The following CLDND1 variants were observed in gnomAD, a reference collection of about 807,000 sequenced individuals.
CLDND1 encodes claudin domain containing 1.
Under a neutral mutation model 26.3 loss-of-function variants are expected in CLDND1, and 13 were observed. That is an observed-to-expected ratio of 0.49 (90% CI 0.32 to 0.78). The LOEUF (loss-of-function observed/expected upper bound fraction) is 0.78. Among genes scored for constraint, CLDND1 ranks in the 30% least tolerant of loss-of-function variants. The pLI, the probability that CLDND1 is intolerant of heterozygous loss-of-function variation, is 0.03. For synonymous variants in CLDND1, 107 were observed against 107.0 expected (o/e 1.00, Z 0.00); for missense variants, 289 against 312.8 (o/e 0.92, Z 0.57).
intron 3 of CLDND1, among the ~76,000 whole-genome samples, chr3:98,517,515 C>T (rs768287441): frequency 5.9e-5 from 9 of 151,892 alleles, no homozygotes; most frequent in Middle Eastern, 3.4e-3. Context: ...GTTTCACATC[C>T]GCAGATTCAA....
At chr3:98,520,592 T>C (rs1439118415) in intron 2 of CLDND1, 2 of 151,900 alleles carry the variant, frequency 1.3e-5, no homozygotes, top group African/African-American at 2.4e-5. Context: ...ACTTCTGTAA[T>C]ACAAATTTCT....
In CLDND1 at chr3:98,516,364, C is replaced by T. The variant is rs1210162379; in HGVS notation, c.*295G>A. ...AACAGACATTAGCACAACTTGTTTT[C>T]GGTCACATTCCTACTCCCAATTTTC... On this transcript the variant is annotated 3_prime_UTR_variant, in exon 5 of 5. Transcript: ENST00000341181. The T allele has an allele frequency of 2.9e-5, 33 of 1,130,316 alleles. No homozygotes were observed. The highest frequency in any genetic ancestry group is 3.4e-5 in the Non-Finnish European group (31 of 922,172). 70.0% of individuals were successfully genotyped at this position (1,130,316 alleles called of 1,614,324 possible).
chr3:98,516,014 T>G lies in CLDND1; in HGVS notation c.*645A>C. 1 of 1,162,688 alleles carries G rather than the reference T, an allele frequency of 8.6e-7. No individual in the cohort carries two copies. The highest frequency in any genetic ancestry group is 1.1e-6 in the Non-Finnish European group (1 of 929,142). The allele number at this position is 1,162,688 out of a possible 1,614,324, so 72.0% of individuals were successfully genotyped here. A position where few individuals can be genotyped will look rare whatever the true frequency, so the allele number is the denominator to read the frequency against. On this transcript the variant is annotated 3_prime_UTR_variant, in exon 5 of 5. Transcript: ENST00000341181. ...AATACTAATCCTCGCCCGGCTGAAC[T>G]GGAATTCTTGCAGTTACAAAGTTAA... is the stretch of plus-strand genomic sequence containing the variant.
At chr3:98,518,601 T>C (rs1706260956) in intron 3 of CLDND1, 1 of 347,416 alleles carries the variant, frequency 2.9e-6, no homozygotes. Flanking sequence ...CTCAACTAAA[T>C]TTCCTTTTAC....
Position 98,516,088 on chromosome 3 carries a change from GCAGATA to G in CLDND1, c.*565_*570del. 9.0e-7 allele frequency: 1 copy of G among 1,116,174 alleles called. No homozygotes were observed. The highest frequency in any genetic ancestry group is 1.1e-6 in the Non-Finnish European group (1 of 900,538). The allele number at this position is 1,116,174 out of a possible 1,614,324, so 69.1% of individuals were successfully genotyped here. Reference sequence around the variant, plus strand: ...TTCACTTTTTGTAGACAGACACAGTGCAGATACAAACAGCTGCCATATCTCACCTCA... The same window carrying G: ...TTCACTTTTTGTAGACAGACACAGTGCAAACAGCTGCCATATCTCACCTCA... On this transcript the variant is annotated 3_prime_UTR_variant, in exon 5 of 5. Transcript: ENST00000341181.
In CLDND1 at chr3:98,522,835, T is replaced by C. The variant is rs561485148; in HGVS notation, c.-19+14A>G. On this transcript the variant is annotated intron_variant, in intron 1 of 4. Transcript: ENST00000341181. ...CGCGACCCCTGCCCGGCGACGCAGG[T>C]CCCGCTCACTCACCGCCCATCCTCC... The C allele has an allele frequency of 1.3e-5, 21 of 1,613,594 alleles. No individual in the cohort carries two copies. In the Admixed American group the frequency reaches 3.0e-4, roughly 23 times the overall value.
In CLDND1 at chr3:98,521,374, G is replaced by A. The variant is rs771842808; in HGVS notation, c.51C>T (p.Leu17=). Reference sequence around the variant, plus strand: ...AGGCTGCCATGTAGATGGTGGAAATGAGGCTAAGCACACAAGCAATTACAA... The same window carrying A: ...AGGCTGCCATGTAGATGGTGGAAATAAGGCTAAGCACACAAGCAATTACAA... The part of the protein sequence containing the change: ...TAFVIACVLS[L]ISTIYMAASI... The change falls in exon 2 of 5, where the codon CTC becomes CTT. Residue 17 remains leucine, a synonymous_variant. Coordinates refer to ENST00000341181, the MANE Select transcript of CLDND1 (RefSeq NM_001040181.2). 6.2e-7 allele frequency: 1 copy of A among 1,614,184 alleles called. No homozygotes were observed.
rs1280675063 is a variant in CLDND1, at chr3:98,518,933, A to G, written c.355T>C (p.Phe119Leu). 2.5e-5 allele frequency: 40 copies of G among 1,613,830 alleles called. 1 individual carries two copies. The Admixed American group carries it at 6.7e-4, about 27-fold the overall frequency. ...FTLTEQFMEK[F>L]VDPGNHNSGI... ...CTATTGTGGTTTCCGGGATCAACAA[A>G]TTTCTCCATGAACTGCTCAGTTAGT... is the stretch of plus-strand genomic sequence containing the variant. Residue 119 changes from phenylalanine to leucine, a missense_variant, in exon 3 of 5, where the codon TTT becomes CTT. By Grantham distance (22) the Phe-to-Leu change is conservative. Coordinates refer to ENST00000341181, the MANE Select transcript of CLDND1 (RefSeq NM_001040181.2).
Position 98,522,845 on chromosome 3 carries a change from T to C in CLDND1, c.-19+4A>G, listed in dbSNP as rs1451428023. ...GCCCGGCGACGCAGGTCCCGCTCAC[T>C]CACCGCCCATCCTCCTGCTCCGCCA... is the stretch of plus-strand genomic sequence containing the variant. On this transcript the variant is annotated splice_donor_region_variant and intron_variant, in intron 1 of 4. Coordinates refer to ENST00000341181, the MANE Select transcript of CLDND1 (RefSeq NM_001040181.2). 3 of 1,613,548 alleles carry C rather than the reference T, an allele frequency of 1.9e-6. No individual in the cohort carries two copies. The highest frequency in any genetic ancestry group is 2.5e-6 in the Non-Finnish European group (3 of 1,179,712).
At position 98,515,788 on chromosome 3, in the gene CLDND1, A is replaced by C; in HGVS notation, c.*871T>G. On this transcript the variant is annotated 3_prime_UTR_variant, in exon 5 of 5. Coordinates refer to ENST00000341181, the MANE Select transcript of CLDND1 (RefSeq NM_001040181.2). ...CTTTAGATCTTGTGGTAGGTTTCCC[A>C]GCTCTGGAGGGTCATTATGGTGAAA... 7.8e-7 allele frequency: 1 copy of C among 1,289,796 alleles called. No individual in the cohort carries two copies. 79.9% of individuals were successfully genotyped at this position (1,289,796 alleles called of 1,614,324 possible). A position where few individuals can be genotyped will look rare whatever the true frequency, so the allele number is the denominator to read the frequency against.
rs75770635 is a variant in CLDND1 at position 98,516,991 on chromosome 3, A to G, written c.541+61T>C. On this transcript the variant is annotated intron_variant, in intron 4 of 4. Transcript: ENST00000341181. The stretch of plus-strand genomic sequence containing the variant: ...AATACGTGAACATTTCAGATTTATA[A>G]CTCTTTGGTCCCTAAAGAGACAGGA... The G allele has an allele frequency of 5.1e-4, 822 of 1,608,524 alleles. 15 individuals carry two copies. The East Asian group carries it at 0.018, about 36-fold the overall frequency.
intron 2 of CLDND1, 38 bp downstream of exon 2, chr3:98,521,095 C>T: frequency 6.4e-7 from 1 of 1,554,646 alleles, no homozygotes; most frequent in Non-Finnish European, 8.8e-7. Flanking sequence ...CTATTATTAA[C>T]CAGGTGAAGA....
At chr3:98,517,625 T>A (rs1221758304) in intron 3 of CLDND1, among the ~76,000 whole-genome samples, 1 of 152,240 alleles carries the variant, frequency 6.6e-6, no homozygotes, top group Non-Finnish European at 1.5e-5. Context: ...TATTGGGTAT[T>A]ATAAGCAATC....
At chr3:98,522,581 G>A in intron 1 of CLDND1, 3 of 1,375,738 alleles carry the variant, frequency 2.2e-6, no homozygotes, top group Non-Finnish European at 1.9e-6. Flanking sequence ...GTTCGTCCAA[G>A]CCGGACGCCT....
chr3:98,522,893 A>G lies in CLDND1; in HGVS notation c.-63T>C, dbSNP rs1706491561. ...CCAGCTTCACCCTCTAGCTCAGACC[A>G]CAGCACCCTACTCTCCCCGCGCCTC... On this transcript the variant is annotated 5_prime_UTR_variant, in exon 1 of 5. Transcript: ENST00000341181. The G allele has an allele frequency of 6.2e-7, 1 of 1,612,562 alleles. No homozygotes were observed. Among genetic ancestry groups the G allele is most frequent in the Non-Finnish European group, 8.5e-7 (1 of 1,179,312 alleles).
At chr3:98,518,791 A>G (rs761778431) in intron 3 of CLDND1, 94 bp downstream of exon 3, 3 of 745,542 alleles carry the variant, frequency 4.0e-6, no homozygotes, top group Non-Finnish European at 7.2e-6. Context: ...GGCACAATCT[A>G]CTAACTCATC....
At chr3:98,521,753 T>A (rs372235788) in intron 1 of CLDND1, 2 of 1,481,700 alleles carry the variant, frequency 1.3e-6, no homozygotes, top group Non-Finnish European at 1.9e-6. Context: ...ATACAAACAA[T>A]AGACATGCCC....
At chr3:98,522,106 G>A (rs1245513559) in intron 1 of CLDND1, 6 of 174,922 alleles carry the variant, frequency 3.4e-5, no homozygotes, top group East Asian at 3.3e-4. Flanking sequence ...GCTGCCAAAT[G>A]CTTCACTCCT....
rs1706172507 is a variant in CLDND1, at chr3:98,517,056, A to C, written c.537T>G (p.Leu179=). Residue 179 remains leucine, a synonymous_variant, in exon 4 of 5, where the codon CTT becomes CTG. Transcript: ENST00000341181. Reference sequence around the variant, plus strand: ...AAGTATGATGACAAAACCTACCTGCAAGGAGATGGAGAATGCCCGTGGCAA... The same window carrying C: ...AAGTATGATGACAAAACCTACCTGCCAGGAGATGGAGAATGCCCGTGGCAA... ...PTIATGILHL[L]AGLCTLGSVS... 4.3e-6 allele frequency: 7 copies of C among 1,613,870 alleles called. No individual in the cohort carries two copies. The highest frequency in any genetic ancestry group is 5.9e-6 in the Non-Finnish European group (7 of 1,179,970).
Sources: gnomAD v4.1 joint callset for allele counts (sites outside exome capture counted in the v4.1 genomes callset) on GRCh38, gnomAD v4.1.1 for gene constraint, MANE v1.5 for transcripts, NCBI Gene and HGNC (gene_info 2026-07-23, HGNC 2026-07-21) for gene names.